Variants in SORBS2 observed in about 807,000 individuals in gnomAD.
SORBS2 encodes sorbin and SH3 domain-containing protein 2.
A neutral mutation model predicts 97.7 loss-of-function variants in SORBS2; 46 were observed. The observed-to-expected ratio is 0.47, with a 90% CI of 0.37 to 0.60. The LOEUF (loss-of-function observed/expected upper bound fraction) is 0.60, where lower values mean the gene tolerates loss of function less well. Ranked by LOEUF, SORBS2 falls within the 20% of genes least tolerant of loss-of-function variation. The pLI is 0.00. For synonymous variants in SORBS2, 476 were observed against 473.4 expected (o/e 1.01, Z -0.07); for missense variants, 1,316 against 1,282.3 (o/e 1.03, Z -0.40).
chr4:185,875,015 CAG>C lies in SORBS2; in HGVS notation c.-338+81179_-338+81180del, dbSNP rs2099232683. ...TCCTCATGAAAGTATAGGGGTGACT[CAG>C]AGAAACTGTGAGGCAGTCATTTGGA... On this transcript the variant is annotated intron_variant, in intron 1 of 20. Transcript: ENST00000284776. Among the ~76,000 whole-genome samples the C allele has an allele frequency of 2.6e-5, 4 of 151,986 alleles. No homozygotes were observed. The South Asian group carries it at 8.3e-4, about 32-fold the overall frequency.
intron 4 of SORBS2, among the ~76,000 whole-genome samples, chr4:185,635,772 G>A (rs2153439418): frequency 6.6e-6 from 1 of 152,308 alleles, no homozygotes; most frequent in Middle Eastern, 3.4e-3. Flanking sequence ...TTCCATGTGT[G>A]ACTGAAAATG....
intron 1 of SORBS2, among the ~76,000 whole-genome samples, chr4:185,935,527 A>T (rs2099268510): frequency 6.6e-6 from 1 of 152,240 alleles, no homozygotes; most frequent in African/African-American, 2.4e-5. Context: ...ATATTAAGAC[A>T]TTAGATCATT....
intron 2 of SORBS2, among the ~76,000 whole-genome samples, chr4:185,715,398 C>A (rs1252427507): frequency 6.7e-6 from 1 of 149,980 alleles, no homozygotes; most frequent in Non-Finnish European, 1.5e-5. Flanking sequence ...TGAGAAAAGC[C>A]CTATGAAAAG....
Position 185,607,903 on chromosome 4 carries a change from G to A in SORBS2, c.2796+3877C>T, listed in dbSNP as rs1019073620. On this transcript the variant is annotated intron_variant, in intron 12 of 14. Coordinates refer to ENST00000418609, the Ensembl canonical transcript of SORBS2. This position sits in a 1 kb window ranked among gnomAD's most constrained non-coding sequence, Gnocchi z 5.2. The stretch of plus-strand genomic sequence containing the variant: ...GAGACGGGTTTCACCATGTTGGCCA[G>A]GCTGGTCTTGAACTCCTGACCTCGT... Among the ~76,000 whole-genome samples the A allele has an allele frequency of 6.6e-6, 1 of 152,052 alleles. No homozygotes were observed. The highest frequency in any genetic ancestry group is 2.4e-5 in the African/African-American group (1 of 41,386).
chr4:185,761,508 A>G (rs992822036), intron 2 of SORBS2: 18 of 152,262 alleles, frequency 1.2e-4, no homozygotes, highest in African/African-American at 4.1e-4. Context: ...GGGCGATGTC[A>G]TTGGAGAAAG....
chr4:185,864,653 A>G (rs1040320704), intron 1 of SORBS2, among the ~76,000 whole-genome samples: 10 of 152,122 alleles, frequency 6.6e-5, no homozygotes, highest in African/African-American at 2.4e-4. Context: ...GCTCACGCCT[A>G]TAATCCCAGC....
At chr4:185,764,604 C>T (rs1039851401) in intron 2 of SORBS2, among the ~76,000 whole-genome samples, 1 of 152,092 alleles carries the variant, frequency 6.6e-6, no homozygotes, top group Non-Finnish European at 1.5e-5. Context: ...ATTTGGGCTG[C>T]TTTAAGTAAT....
chr4:185,905,720 T>A (rs993391161), intron 1 of SORBS2, among the ~76,000 whole-genome samples: 1 of 152,106 alleles, frequency 6.6e-6, no homozygotes, highest in African/African-American at 2.4e-5. Flanking sequence ...CACCTCAGCC[T>A]CCCAAAGCAC....
At chr4:185,758,994 T>C (rs1354237148) in intron 2 of SORBS2, among the ~76,000 whole-genome samples, 1 of 152,238 alleles carries the variant, frequency 6.6e-6, no homozygotes, top group East Asian at 1.9e-4. Context: ...TTTTACTGTG[T>C]GTTCTGCCCA....
rs181153522 is a variant in SORBS2 at position 185,620,578 on chromosome 4, C to G, written c.2216-427G>C. On this transcript the variant is annotated intron_variant, in intron 7 of 14. Transcript: ENST00000418609. ...TAGCAACAATTTGTAGAAAAAGAAA[C>G]ATTTTGTGGAGTAATTTAAGACTGT... 3.2e-4 allele frequency among the ~76,000 whole-genome samples: 48 copies of G among 152,078 alleles called. No individual in the cohort carries two copies. The East Asian group carries it at 4.1e-3, about 13-fold the overall frequency.
intron 4 of SORBS2, among the ~76,000 whole-genome samples, chr4:185,667,720 T>C (rs1396752065): frequency 8.3e-6 from 1 of 120,638 alleles, no homozygotes; most frequent in African/African-American, 3.0e-5. Context: ...ATATATATAA[T>C]ATATATTTTA....
At chr4:185,752,043 C>A (rs983857941) in intron 2 of SORBS2, among the ~76,000 whole-genome samples, 5 of 151,876 alleles carry the variant, frequency 3.3e-5, no homozygotes, top group Admixed American at 2.0e-4. Context: ...CCCAGCAGCA[C>A]GCAAGAAGAT....
chr4:185,909,764 T>C (rs1267414945), intron 1 of SORBS2, among the ~76,000 whole-genome samples: 1 of 151,598 alleles, frequency 6.6e-6, no homozygotes, highest in Non-Finnish European at 1.5e-5. Context: ...CTCATAGCAA[T>C]ATTTGACACA....
At chr4:185,661,341 A>T (rs1397909777), upstream of SORBS2, among the ~76,000 whole-genome samples, 1 of 152,142 alleles carries the variant, frequency 6.6e-6, no homozygotes, top group African/African-American at 2.4e-5. Flanking sequence ...TGACCATGTA[A>T]GAGCATTTCT....
intron 1 of SORBS2, among the ~76,000 whole-genome samples, chr4:185,807,257 T>C (rs1230025150): frequency 2.0e-5 from 3 of 152,216 alleles, no homozygotes; most frequent in Non-Finnish European, 4.4e-5. Flanking sequence ...CAGGCCTTTT[T>C]GTTTTCTTTC....
rs149286217 is a variant in SORBS2, at chr4:185,730,639, G to A, written c.-198+44588C>T. 5.2e-4 allele frequency among the ~76,000 whole-genome samples: 79 copies of A among 152,328 alleles called. No individual in the cohort carries two copies. In the East Asian group the frequency reaches 0.013, roughly 25 times the overall value. On this transcript the variant is annotated intron_variant, in intron 2 of 20. Transcript: ENST00000284776. ...GAAAGGATGCTCAGGCACTCCTTGG[G>A]TGAACAGCTGCAGGCCATGGAGAGG...
chr4:185,758,014 C>CAGGTGCAT (rs1308098559), intron 2 of SORBS2, among the ~76,000 whole-genome samples: 3 of 152,152 alleles, frequency 2.0e-5, no homozygotes, highest in Non-Finnish European at 4.4e-5. Context: ...GACCAGATTA[C>CAGGTGCAT]AGGTGCATAT....
In SORBS2 at chr4:185,730,142, C is replaced by T. The variant is rs188839976; in HGVS notation, c.-198+45085G>A. Among the ~76,000 whole-genome samples, 181 of 151,972 alleles carry T rather than the reference C, an allele frequency of 1.2e-3. 4 individuals carry two copies. The East Asian group carries it at 0.023, about 19-fold the overall frequency. ...TAATTTTTTGTATTTTTAGTAGAGA[C>T]GGGGTTTCACTGTGTTAGCCAGGAT... On this transcript the variant is annotated intron_variant, in intron 2 of 20. Transcript: ENST00000284776.
chr4:185,916,787 A>G (rs1370586437), intron 1 of SORBS2, among the ~76,000 whole-genome samples: 3 of 152,170 alleles, frequency 2.0e-5, no homozygotes, highest in African/African-American at 7.2e-5. Context: ...ACCTCCCCCA[A>G]CAAAGAATTA....
Sources: allele counts gnomAD v4.1 joint callset (sites outside exome capture counted in the v4.1 genomes callset), GRCh38; gene constraint gnomAD v4.1.1; non-coding constraint Gnocchi (gnomAD v3.1); transcripts MANE v1.5; gene names NCBI Gene and HGNC (gene_info 2026-07-23, HGNC 2026-07-21).